The following FBXL7 variants were observed in gnomAD, a reference collection of about 807,000 sequenced individuals.
The protein encoded by FBXL7 is F-box/LRR-repeat protein 7.
FBXL7 carries 12 observed loss-of-function variants against 38.3 expected under a neutral mutation model. The ratio of observed to expected loss-of-function variants is 0.31; its 90% CI spans 0.20 to 0.51. The LOEUF (loss-of-function observed/expected upper bound fraction) is 0.51, where lower values mean the gene tolerates loss of function less well. FBXL7 is among the 20% of genes least tolerant of loss of function. The probability of loss-of-function intolerance (pLI) is 0.98; values close to 1 mark genes in which losing one functional copy is unlikely to be tolerated. For synonymous variants in FBXL7, 297 were observed against 300.9 expected, an observed-to-expected ratio of 0.99 and a Z score of 0.13; for missense variants, 567 against 676.4, an observed-to-expected ratio of 0.84 and a Z score of 1.79.
chr5:15,751,620 C>T (rs774354762), intron 2 of FBXL7, among the ~76,000 whole-genome samples: 1 of 152,274 alleles, frequency 6.6e-6, no homozygotes, highest in Non-Finnish European at 1.5e-5. Flanking sequence ...ACATTCTTTT[C>T]CTGTCATTTT....
At chr5:15,932,219 T>C (rs1240620276) in intron 3 of FBXL7, among the ~76,000 whole-genome samples, 6 of 152,124 alleles carry the variant, frequency 3.9e-5, no homozygotes, top group Non-Finnish European at 8.8e-5. Context: ...TTGGGAGGAT[T>C]AAATGAGTTA....
intron 1 of FBXL7, chr5:15,607,470 T>C (rs1205223287): frequency 6.6e-6 from 1 of 152,162 alleles, no homozygotes; most frequent in Non-Finnish European, 1.5e-5. Context: ...GTCATAATAT[T>C]AATAAATTAA....
At chr5:15,513,613 T>C (rs1256749842) in intron 1 of FBXL7, among the ~76,000 whole-genome samples, 1 of 152,190 alleles carries the variant, frequency 6.6e-6, no homozygotes. Flanking sequence ...GTCTCATTGG[T>C]GGAGGGGATT....
At chr5:15,789,395 G>A (rs577565164) in intron 2 of FBXL7, among the ~76,000 whole-genome samples, 33 of 152,180 alleles carry the variant, frequency 2.2e-4, no homozygotes, top group African/African-American at 5.1e-4. Context: ...GACTATTACC[G>A]TGTCTAACCT....
intron 2 of FBXL7, among the ~76,000 whole-genome samples, chr5:15,644,278 G>C (rs1415725790): frequency 7.1e-6 from 1 of 140,884 alleles, no homozygotes; most frequent in Non-Finnish European, 1.5e-5. Flanking sequence ...GGCCAACATG[G>C]AGAAACCCCG....
At chr5:15,573,449 A>G (rs6861983) in intron 1 of FBXL7, among the ~76,000 whole-genome samples, 55,871 of 152,066 alleles carry the variant, frequency 0.37, 10,429 homozygotes, top group African/African-American at 0.41. Context: ...TTTTGAATCA[A>G]AAGGAAATGA....
At chr5:15,742,704 A>G (rs1041827196) in intron 2 of FBXL7, among the ~76,000 whole-genome samples, 2 of 152,124 alleles carry the variant, frequency 1.3e-5, no homozygotes, top group Non-Finnish European at 2.9e-5. Context: ...TATATATGCT[A>G]TTATATTGAA....
intron 2 of FBXL7, among the ~76,000 whole-genome samples, chr5:15,701,203 G>A (rs150366089): frequency 6.6e-6 from 1 of 152,166 alleles, no homozygotes; most frequent in African/African-American, 2.4e-5. Flanking sequence ...TAGGAGTCAC[G>A]TAGCTCTTGA....
intron 2 of FBXL7, among the ~76,000 whole-genome samples, chr5:15,839,538 A>G (rs904283877): frequency 5.3e-5 from 8 of 151,972 alleles, no homozygotes; most frequent in Admixed American, 1.3e-4. Context: ...AAACTTCTGT[A>G]TGTGCCCTGA....
At chr5:15,684,031 G>A (rs1260699211) in intron 2 of FBXL7, among the ~76,000 whole-genome samples, 4 of 152,028 alleles carry the variant, frequency 2.6e-5, no homozygotes, top group Non-Finnish European at 4.4e-5. Context: ...CACATTGATT[G>A]AGATGATTAT....
chr5:15,900,116 T>C (rs1741199473), intron 2 of FBXL7, among the ~76,000 whole-genome samples: 3 of 152,102 alleles, frequency 2.0e-5, no homozygotes, highest in Admixed American at 2.0e-4. Context: ...CCTTCTGTTG[T>C]CTAAGCTCAC....
chr5:15,685,113 TAGAC>T (rs1412249566), intron 2 of FBXL7, among the ~76,000 whole-genome samples: 3 of 152,188 alleles, frequency 2.0e-5, no homozygotes, highest in Admixed American at 6.5e-5. Context: ...ATCTACCTGA[TAGAC>T]AGAAGTATCT....
At chr5:15,683,317 T>A (rs1742910999) in intron 2 of FBXL7, among the ~76,000 whole-genome samples, 1 of 152,184 alleles carries the variant, frequency 6.6e-6, no homozygotes. Context: ...GTGGCTTTAT[T>A]CTAGGAATTT....
chr5:15,675,951 G>A (rs940488058), intron 2 of FBXL7, among the ~76,000 whole-genome samples: 6 of 152,180 alleles, frequency 3.9e-5, no homozygotes, highest in Non-Finnish European at 7.4e-5. Flanking sequence ...CATTAATGGA[G>A]ACAGGGTCAT....
At chr5:15,546,624 G>A (rs547116415) in intron 1 of FBXL7, among the ~76,000 whole-genome samples, 2 of 152,160 alleles carry the variant, frequency 1.3e-5, no homozygotes. Context: ...CCAGCTACTT[G>A]GGAGGCTGAG....
chr5:15,891,738 G>C (rs907385853), intron 2 of FBXL7, among the ~76,000 whole-genome samples: 6 of 152,198 alleles, frequency 3.9e-5, no homozygotes, highest in African/African-American at 9.6e-5. Context: ...GGAACAGATG[G>C]CACATTCAAA....
At chr5:15,752,222 T>C (rs2126686922) in intron 2 of FBXL7, among the ~76,000 whole-genome samples, 1 of 152,286 alleles carries the variant, frequency 6.6e-6, no homozygotes, top group African/African-American at 2.4e-5. Flanking sequence ...TATACCTACG[T>C]AACAAAACTG....
chr5:15,549,309 G>T (rs1737998948), intron 1 of FBXL7, among the ~76,000 whole-genome samples: 1 of 152,182 alleles, frequency 6.6e-6, no homozygotes. Context: ...TCTTTGGAAA[G>T]AGGAGAAAAG....
intron 2 of FBXL7, among the ~76,000 whole-genome samples, chr5:15,813,606 C>T (rs1737928606): frequency 6.6e-6 from 1 of 152,044 alleles, no homozygotes; most frequent in Non-Finnish European, 1.5e-5. Flanking sequence ...AGCTTCTGCA[C>T]AGCAAAAGAA....
Sources: gnomAD v4.1 joint callset for allele counts (sites outside exome capture counted in the v4.1 genomes callset) on GRCh38, gnomAD v4.1.1 for gene constraint, MANE v1.5 for transcripts, NCBI Gene and HGNC (gene_info 2026-07-23, HGNC 2026-07-21) for gene names.